The following TPO variants were observed in gnomAD, a reference collection of about 807,000 sequenced individuals.
TPO encodes the protein thyroid microsomal antigen.
Under a neutral mutation model 96.9 loss-of-function variants are expected in TPO, and 78 were observed. The ratio of observed to expected loss-of-function variants is 0.81; its 90% CI spans 0.67 to 0.97. TPO has a LOEUF of 0.97. Ranked by LOEUF, TPO falls within the 50% of genes least tolerant of loss-of-function variation. The pLI, the probability that TPO is intolerant of heterozygous loss-of-function variation, is 0.00. For synonymous variants in TPO, 547 were observed against 538.0 expected (o/e 1.02, Z -0.23); for missense variants, 1,252 against 1,274.8 (o/e 0.98, Z 0.27).
intron 12 of TPO, 51 bp downstream of exon 12, chr2:1,496,248 A>G (rs1468025248): frequency 6.3e-7 from 1 of 1,585,748 alleles, no homozygotes; most frequent in Non-Finnish European, 8.6e-7. Context: ...CATCTCATCA[A>G]ACAAAGCTTA....
intron 1 of TPO, among the ~76,000 whole-genome samples, chr2:1,404,593 G>A (rs1164514513): frequency 6.6e-6 from 1 of 152,210 alleles, no homozygotes; most frequent in Non-Finnish European, 1.5e-5. Flanking sequence ...ATGACTGTGT[G>A]AAGACGCAGG....
intron 5 of TPO, among the ~76,000 whole-genome samples, chr2:1,452,049 C>G (rs1178873551): frequency 6.6e-6 from 1 of 152,036 alleles, no homozygotes; most frequent in East Asian, 1.9e-4. Context: ...TCTTACCATG[C>G]ATTTATATAT....
intron 13 of TPO, among the ~76,000 whole-genome samples, chr2:1,500,086 A>G (rs1235143752): frequency 3.3e-5 from 5 of 152,172 alleles, no homozygotes; most frequent in African/African-American, 1.2e-4. Context: ...TCACTCAATA[A>G]GCATGTAAGC....
intron 7 of TPO, among the ~76,000 whole-genome samples, chr2:1,464,290 C>T (rs893535030): frequency 6.6e-6 from 1 of 152,194 alleles, no homozygotes; most frequent in Non-Finnish European, 1.5e-5. Flanking sequence ...TCTTTATCCA[C>T]TCATTGATTG....
At chr2:1,378,178 A>G (rs940027642) in intron 1 of TPO, among the ~76,000 whole-genome samples, 2 of 151,962 alleles carry the variant, frequency 1.3e-5, no homozygotes, top group Admixed American at 1.3e-4. Context: ...TTTCTTTTTA[A>G]ATTACCCAGT....
At chr2:1,478,436 C>T in intron 8 of TPO, 1 of 977,500 alleles carries the variant, frequency 1.0e-6, no homozygotes, top group Non-Finnish European at 1.2e-6. Flanking sequence ...CTAAAGGAGG[C>T]ACTGGAGCCT....
At chr2:1,443,136 C>A (rs996028927) in intron 5 of TPO, among the ~76,000 whole-genome samples, 4 of 152,214 alleles carry the variant, frequency 2.6e-5, no homozygotes, top group Non-Finnish European at 5.9e-5. Flanking sequence ...TGCAGTAAAC[C>A]ACTGTGTCTC....
chr2:1,386,635 A>G (rs1284411367), intron 1 of TPO, among the ~76,000 whole-genome samples: 2 of 152,178 alleles, frequency 1.3e-5, no homozygotes, highest in Non-Finnish European at 2.9e-5. Context: ...TCCTGAATAC[A>G]GCACACTGAT....
chr2:1,416,936 A>C (rs913976998), intron 2 of TPO, among the ~76,000 whole-genome samples: 1 of 152,186 alleles, frequency 6.6e-6, no homozygotes. Flanking sequence ...TGGACCACAC[A>C]CGGTCACCGT....
chr2:1,483,557 C>A (rs960581340), intron 8 of TPO, among the ~76,000 whole-genome samples: 1 of 152,216 alleles, frequency 6.6e-6, no homozygotes, highest in Non-Finnish European at 1.5e-5. Context: ...AGAAACGTTG[C>A]CACATAAATT....
chr2:1,525,046 C>T lies in TPO; in HGVS notation c.2618+8064C>T, dbSNP rs1219153321. Among the ~76,000 whole-genome samples, 100 of 82,230 alleles carry T rather than the reference C, an allele frequency of 1.2e-3. 4 individuals are homozygous for T. Among genetic ancestry groups the T allele is most frequent in the African/African-American group, 4.3e-3 (98 of 22,694 alleles). The allele number at this position is 82,230 out of a possible 152,430, so 53.9% of individuals were successfully genotyped here. On this transcript the variant is annotated intron_variant, in intron 15 of 16. Transcript: ENST00000329066. The stretch of plus-strand genomic sequence containing the variant: ...AAATCCCCCAACTCTGTGCAACCTC[C>T]CCCTATCCCTCCCACTGTGTGCAAC...
chr2:1,398,970 G>A (rs1369594382), intron 1 of TPO, among the ~76,000 whole-genome samples: 1 of 152,212 alleles, frequency 6.6e-6, no homozygotes, highest in Admixed American at 6.5e-5. Flanking sequence ...CCTGCAGCCA[G>A]GCCCTCACCT....
At chr2:1,399,088 C>G (rs1662127247) in intron 1 of TPO, among the ~76,000 whole-genome samples, 1 of 152,234 alleles carries the variant, frequency 6.6e-6, no homozygotes, top group Non-Finnish European at 1.5e-5. Context: ...AGGTGCATTT[C>G]CCAGGTGGCG....
chr2:1,537,321 G>A (rs1206153161), intron 15 of TPO, among the ~76,000 whole-genome samples: 2 of 63,978 alleles, frequency 3.1e-5, no homozygotes, highest in African/African-American at 1.3e-4. Flanking sequence ...AACCTACTCT[G>A]TCCAACCTCC....
At chr2:1,426,572 A>G (rs1031229124) in intron 3 of TPO, among the ~76,000 whole-genome samples, 2 of 152,224 alleles carry the variant, frequency 1.3e-5, no homozygotes, top group Admixed American at 1.3e-4. Flanking sequence ...AGATCATTTC[A>G]TATTCTCAGA....
At chr2:1,448,837 G>A (rs1359020631) in intron 5 of TPO, among the ~76,000 whole-genome samples, 2 of 152,196 alleles carry the variant, frequency 1.3e-5, no homozygotes, top group African/African-American at 2.4e-5. Context: ...CACCCTCGAT[G>A]ATGAATGGAG....
chr2:1,432,508 G>A (rs1286013576), intron 3 of TPO, among the ~76,000 whole-genome samples: 1 of 150,328 alleles, frequency 6.7e-6, no homozygotes, highest in Non-Finnish European at 1.5e-5. Flanking sequence ...CCCAGGTGTG[G>A]AGAGGCCTGC....
intron 7 of TPO, among the ~76,000 whole-genome samples, chr2:1,476,474 G>T (rs1053301563): frequency 6.6e-6 from 1 of 152,172 alleles, no homozygotes; most frequent in Non-Finnish European, 1.5e-5. Context: ...CCCACCCAAG[G>T]TCTCCTCACT....
chr2:1,422,961 G>C (rs1323326822), intron 2 of TPO, 84 bp from the exon 3 acceptor site: 3 of 1,495,452 alleles, frequency 2.0e-6, no homozygotes, highest in African/African-American at 2.8e-5. Context: ...ACCGCAGCAA[G>C]ATGGGCTTGA....
Sources: allele counts gnomAD v4.1 joint callset (sites outside exome capture counted in the v4.1 genomes callset), GRCh38; gene constraint gnomAD v4.1.1; transcripts MANE v1.5; gene names NCBI Gene and HGNC (gene_info 2026-07-23, HGNC 2026-07-21).